The following SEM1 variants were observed in gnomAD, a reference collection of about 807,000 sequenced individuals.
SEM1 encodes the protein SEM1 26S proteasome subunit, also known as 26S proteasome complex subunit SEM1.
SEM1 carries 3 observed loss-of-function variants against 12.7 expected under a neutral mutation model. The ratio of observed to expected loss-of-function variants is 0.24; its 90% CI spans 0.11 to 0.61. SEM1 has a LOEUF of 0.61. Ranked by LOEUF, SEM1 falls within the 20% of genes least tolerant of loss-of-function variation. SEM1 has a pLI of 0.88. For missense variants in SEM1, 59 were observed against 81.3 expected (o/e 0.73, Z 1.06); for synonymous variants, 30 against 27.8 (o/e 1.08, Z -0.25).
At chr7:96,483,409 GT>G (rs1182084001) in exon 4 of SEM1, 2 of 173,624 alleles carry the variant, frequency 1.2e-5, no homozygotes, top group Non-Finnish European at 2.5e-5. Context: ...AGACTCTTCT[GT>G]TGTCAGGTTA....
chr7:96,581,185 A>G (rs1448950069), intron 2 of SEM1, among the ~76,000 whole-genome samples: 7 of 152,202 alleles, frequency 4.6e-5, no homozygotes, highest in Admixed American at 1.3e-4. Context: ...AGCTTTCTAC[A>G]TACAGCTAGC....
rs960736289 is a variant in SEM1 at position 96,638,195 on chromosome 7, C to T, written c.171-15552G>A. ...TTGTGATGAAGACTTTTCTCAGCTCCTTTCGGAGAAGACCAAAGTTAAGAA... is the reference window on the plus strand; with the variant it reads ...TTGTGATGAAGACTTTTCTCAGCTCTTTTCGGAGAAGACCAAAGTTAAGAA... On this transcript the variant is annotated intron_variant, in intron 2 of 2. Transcript: ENST00000417009. 3.3e-5 allele frequency among the ~76,000 whole-genome samples: 5 copies of T among 152,158 alleles called. No homozygotes were observed. In the East Asian group the frequency reaches 9.6e-4, roughly 29 times the overall value.
chr7:96,695,516 A>G (rs1790063871), intron 1 of SEM1: 2 of 151,902 alleles, frequency 1.3e-5, no homozygotes, highest in Non-Finnish European at 2.9e-5. Flanking sequence ...GAAAGTACGT[A>G]CGTATTACCA....
At chr7:96,511,417 T>C in intron 2 of SEM1, among the ~76,000 whole-genome samples, 1 of 152,154 alleles carries the variant, frequency 6.6e-6, no homozygotes, top group East Asian at 1.9e-4. Flanking sequence ...TGAAGAATTA[T>C]GAAAAGTCTT....
At chr7:96,630,657 C>G (rs1335232695) in intron 2 of SEM1, among the ~76,000 whole-genome samples, 1 of 152,184 alleles carries the variant, frequency 6.6e-6, no homozygotes, top group Non-Finnish European at 1.5e-5. Flanking sequence ...AGGTGCAAGA[C>G]AAAGTCCCCT....
At chr7:96,537,403 C>T (rs1187374204) in intron 2 of SEM1, among the ~76,000 whole-genome samples, 1 of 151,688 alleles carries the variant, frequency 6.6e-6, no homozygotes, top group African/African-American at 2.4e-5. Context: ...TAACTTCTTT[C>T]TTCCTGAAGA....
chr7:96,526,522 C>CCT (rs1181270524), intron 2 of SEM1, among the ~76,000 whole-genome samples: 2 of 152,110 alleles, frequency 1.3e-5, no homozygotes, highest in Non-Finnish European at 1.5e-5. Context: ...AAAGAAGGGT[C>CCT]CTGGCAGCTT....
At chr7:96,649,222 C>A (rs1375590480) in intron 2 of SEM1, 1 of 152,132 alleles carries the variant, frequency 6.6e-6, no homozygotes, top group Non-Finnish European at 1.5e-5. Context: ...TTTTATTAAA[C>A]CAATATGTAC....
chr7:96,633,625 TAAACTAGGAG>T (rs371036017), intron 2 of SEM1, among the ~76,000 whole-genome samples: 1 of 152,142 alleles, frequency 6.6e-6, no homozygotes, highest in African/African-American at 2.4e-5. Flanking sequence ...ATTGCACTTT[TAAACTAGGAG>T]AGAAAGTTAT....
At chr7:96,552,344 C>T (rs1805309544) in intron 2 of SEM1, among the ~76,000 whole-genome samples, 1 of 152,172 alleles carries the variant, frequency 6.6e-6, no homozygotes, top group Admixed American at 6.5e-5. Flanking sequence ...CTCCCCCTCC[C>T]ACCACCCCAC....
intron 1 of SEM1, among the ~76,000 whole-genome samples, chr7:96,701,976 C>T (rs538805317): frequency 4.3e-4 from 66 of 152,012 alleles, no homozygotes; most frequent in Admixed American, 7.9e-4. Flanking sequence ...TGTGTCAGAG[C>T]CTGGACAGAA....
At chr7:96,692,120 CAGTA>C (rs753130069) in intron 2 of SEM1, among the ~76,000 whole-genome samples, 1 of 152,078 alleles carries the variant, frequency 6.6e-6, no homozygotes, top group African/African-American at 2.4e-5. Flanking sequence ...ATTATAAAAA[CAGTA>C]AGCCACAAAT....
At chr7:96,522,417 C>G (rs1804305265) in intron 2 of SEM1, among the ~76,000 whole-genome samples, 1 of 152,024 alleles carries the variant, frequency 6.6e-6, no homozygotes, top group African/African-American at 2.4e-5. Flanking sequence ...TTGCCCAAGT[C>G]AACTAGTAGG....
chr7:96,574,560 A>G (rs1196190866), intron 2 of SEM1, among the ~76,000 whole-genome samples: 1 of 152,188 alleles, frequency 6.6e-6, no homozygotes, highest in African/African-American at 2.4e-5. Context: ...TAACAGTGTA[A>G]AAGTGTTCCT....
exon 4 of SEM1, chr7:96,483,080 A>T (rs1418788067): frequency 6.6e-6 from 1 of 152,200 alleles, no homozygotes; most frequent in Non-Finnish European, 1.5e-5. Flanking sequence ...TTGTGTTAGT[A>T]AGGCTAACTA....
At chr7:96,544,008 GT>G (rs1435159747) in intron 2 of SEM1, among the ~76,000 whole-genome samples, 1 of 151,986 alleles carries the variant, frequency 6.6e-6, no homozygotes, top group East Asian at 1.9e-4. Flanking sequence ...TATATAGCCA[GT>G]CCTGAGTTTT....
At chr7:96,663,554 G>A (rs912812404) in intron 2 of SEM1, among the ~76,000 whole-genome samples, 2 of 152,192 alleles carry the variant, frequency 1.3e-5, no homozygotes, top group East Asian at 3.9e-4. Flanking sequence ...TGCCTGCAGT[G>A]CCACACTGAG....
At chr7:96,545,453 G>A (rs774591729) in intron 2 of SEM1, among the ~76,000 whole-genome samples, 55 of 151,802 alleles carry the variant, frequency 3.6e-4, no homozygotes, top group Non-Finnish European at 7.4e-5. Context: ...CATTCCATAT[G>A]AGGGGAAAAA....
chr7:96,564,422 A>G (rs1002765641), intron 2 of SEM1, among the ~76,000 whole-genome samples: 2 of 152,102 alleles, frequency 1.3e-5, no homozygotes, highest in African/African-American at 4.8e-5. Context: ...ATCCAAAAAA[A>G]AAATAAAAAT....
Sources: allele counts gnomAD v4.1 joint callset (sites outside exome capture counted in the v4.1 genomes callset), GRCh38; gene constraint gnomAD v4.1.1; transcripts MANE v1.5; gene names NCBI Gene and HGNC (gene_info 2026-07-23, HGNC 2026-07-21).